Variants in SPATA31H1 observed in about 807,000 individuals in gnomAD.
The protein encoded by SPATA31H1 is spermatogenesis-associated protein 31H1.
the SPATA31H1 span, among the ~76,000 whole-genome samples, chr2:27,548,916 T>C: frequency 5.3e-5 from 8 of 150,604 alleles, 1 homozygote; most frequent in African/African-American, 1.7e-4. Context: ...CTACTAAAAA[T>C]ACAAAAAATT....
the SPATA31H1 span, chr2:27,577,128 A>T: frequency 6.2e-7 from 1 of 1,614,170 alleles, no homozygotes; most frequent in Non-Finnish European, 8.5e-7. This position sits in a 1 kb window ranked among gnomAD's most constrained non-coding sequence, Gnocchi z 4.5. Context: ...CCCAAAGCTA[A>T]CAGGTAGAGC....
chr2:27,539,127 AATTG>A, the SPATA31H1 span, among the ~76,000 whole-genome samples: 3 of 88,830 alleles, frequency 3.4e-5, no homozygotes, highest in Admixed American at 1.1e-4. Context: ...TTTTTTTTTT[AATTG>A]ATCATTCTTG....
the SPATA31H1 span, among the ~76,000 whole-genome samples, chr2:27,545,356 A>G: frequency 5.3e-5 from 8 of 151,772 alleles, no homozygotes; most frequent in Admixed American, 4.6e-4. Flanking sequence ...AGTTATATCT[A>G]TATGATAAAG....
At chr2:27,541,298 T>A in the SPATA31H1 span, among the ~76,000 whole-genome samples, 1 of 150,992 alleles carries the variant, frequency 6.6e-6, no homozygotes, top group Middle Eastern at 3.2e-3. Flanking sequence ...GGCAGGCTGA[T>A]GCAGGAGAAT....
the SPATA31H1 span, among the ~76,000 whole-genome samples, chr2:27,556,087 G>A: frequency 4.1e-5 from 6 of 144,820 alleles, no homozygotes; most frequent in Admixed American, 7.1e-5. Context: ...AGCCGAGATC[G>A]CGCCACTGCA....
the SPATA31H1 span, chr2:27,537,664 G>T: frequency 1.5e-6 from 1 of 659,298 alleles, no homozygotes; most frequent in Non-Finnish European, 2.8e-6. Context: ...ACTGGATGCA[G>T]GGAGAGGGGA....
chr2:27,563,196 T>C, the SPATA31H1 span, among the ~76,000 whole-genome samples: 1 of 152,054 alleles, frequency 6.6e-6, no homozygotes, highest in African/African-American at 2.4e-5. Context: ...ATTATTTTAT[T>C]ATGTCTGACG....
chr2:27,582,480 A>G, the SPATA31H1 span: 11 of 1,612,960 alleles, frequency 6.8e-6, no homozygotes, highest in Non-Finnish European at 9.3e-6. Context: ...GACCACACAT[A>G]AAAATCCCAA....
chr2:27,570,470 G>T, the SPATA31H1 span: 20 of 398,780 alleles, frequency 5.0e-5, no homozygotes, highest in South Asian at 1.3e-4. Flanking sequence ...TTCATAGTGT[G>T]AATTTTGTAG....
chr2:27,539,120 TTTTTTTA>T, the SPATA31H1 span, among the ~76,000 whole-genome samples: 714 of 135,402 alleles, frequency 5.3e-3, 3 homozygotes, highest in African/African-American at 0.02. Flanking sequence ...TTTTTTTTTT[TTTTTTTA>T]ATTGATCATT....
the SPATA31H1 span, among the ~76,000 whole-genome samples, chr2:27,562,771 C>T: frequency 6.6e-6 from 1 of 151,392 alleles, no homozygotes; most frequent in East Asian, 2.0e-4. Context: ...CATGTAGTCC[C>T]AGCTACTCAG....
the SPATA31H1 span, chr2:27,567,763 A>G: frequency 2.3e-5 from 9 of 399,158 alleles, no homozygotes; most frequent in Admixed American, 3.5e-4. Flanking sequence ...AAAAGGATAC[A>G]GCAGCACAAG....
chr2:27,568,990 C>T, the SPATA31H1 span: 2 of 398,906 alleles, frequency 5.0e-6, no homozygotes, highest in South Asian at 2.5e-4. Flanking sequence ...GCAAAGTTGA[C>T]CTCTGACAAC....
the SPATA31H1 span, chr2:27,580,494 A>G: frequency 6.2e-7 from 1 of 1,614,258 alleles, no homozygotes; most frequent in Non-Finnish European, 8.5e-7. Flanking sequence ...CACAAACAGT[A>G]GAACCACAAT....
the SPATA31H1 span, among the ~76,000 whole-genome samples, chr2:27,559,289 G>T: frequency 6.6e-5 from 10 of 152,138 alleles, no homozygotes; most frequent in Admixed American, 2.6e-4. Flanking sequence ...GTTTATTTCA[G>T]GTTTATTCTT....
At chr2:27,575,774 G>T in the SPATA31H1 span, 1 of 398,328 alleles carries the variant, frequency 2.5e-6, no homozygotes, top group Non-Finnish European at 4.4e-6. The surrounding 1 kb of genome is among the most constrained non-coding windows in gnomAD (Gnocchi z 4.1). Context: ...GCATCCCTGG[G>T]CCACATTTGC....
chr2:27,539,108 T>TC, the SPATA31H1 span, among the ~76,000 whole-genome samples: 1 of 123,718 alleles, frequency 8.1e-6, no homozygotes, highest in African/African-American at 4.3e-5. Context: ...TTTCTTTTTT[T>TC]TTTTTTTTTT....
At chr2:27,545,790 T>C in the SPATA31H1 span, among the ~76,000 whole-genome samples, 1 of 151,868 alleles carries the variant, frequency 6.6e-6, no homozygotes. Flanking sequence ...CTTGAACTCC[T>C]GACATTGGGT....
At chr2:27,576,341 G>A in the SPATA31H1 span, 8 of 475,530 alleles carry the variant, frequency 1.7e-5, no homozygotes, top group East Asian at 1.2e-4. Flanking sequence ...ACTCTGGCCC[G>A]CAGCTGCAAG....
Sources: allele counts gnomAD v4.1 joint callset (sites outside exome capture counted in the v4.1 genomes callset), GRCh38; gene constraint gnomAD v4.1.1; non-coding constraint Gnocchi (gnomAD v3.1); transcripts MANE v1.5; gene names NCBI Gene and HGNC (gene_info 2026-07-23, HGNC 2026-07-21).